The following IGSF5 variants were observed in gnomAD, a reference collection of about 807,000 sequenced individuals.
The protein encoded by IGSF5 is immunoglobulin superfamily member 5, also known as immunoglobulin superfamily 5 like.
IGSF5 carries 41 observed loss-of-function variants against 39.4 expected under a neutral mutation model. That is an observed-to-expected ratio of 1.04 (90% CI 0.81 to 1.35). IGSF5 has a LOEUF of 1.35. IGSF5 is among the 40% of genes most tolerant of loss of function. The pLI is 0.00. For missense variants in IGSF5, 487 were observed against 494.6 expected (o/e 0.98, Z 0.15); for synonymous variants, 183 against 175.3 (o/e 1.04, Z -0.34).
the IGSF5 span, among the ~76,000 whole-genome samples, chr21:39,712,661 G>T: frequency 0.3 from 45,312 of 151,956 alleles, 7,598 homozygotes; most frequent in Middle Eastern, 0.49. Context: ...TCGTTCATGG[G>T]TTCATTGGGC....
intron 2 of IGSF5, among the ~76,000 whole-genome samples, chr21:39,752,719 T>C (rs1313961032): frequency 1.3e-5 from 2 of 152,248 alleles, no homozygotes; most frequent in South Asian, 2.1e-4. Context: ...CAGCATCTCA[T>C]TGTGGTTTTA....
rs146593026 is a variant in IGSF5 at position 39,755,315 on chromosome 21, G to A, written c.100+9017G>A. Among the ~76,000 whole-genome samples the A allele has an allele frequency of 8.8e-4, 134 of 152,254 alleles. 1 individual carries two copies. In the East Asian group the frequency reaches 0.021, roughly 24 times the overall value. On this transcript the variant is annotated intron_variant, in intron 2 of 8. Coordinates refer to ENST00000380588, the MANE Select transcript of IGSF5 (RefSeq NM_001080444.2). ...AAATTATTAAATGATGACCTGGTGC[G>A]GTGGCTCATGCCTGTAATCCCAGCA...
intron 6 of IGSF5, among the ~76,000 whole-genome samples, chr21:39,790,315 T>G (rs1432925102): frequency 6.6e-6 from 1 of 152,186 alleles, no homozygotes; most frequent in Non-Finnish European, 1.5e-5. Flanking sequence ...TATTTTTACC[T>G]TTTGCTTTAA....
In IGSF5 at chr21:39,745,379, C is replaced by T; in HGVS notation, c.-131C>T. 1.6e-6 allele frequency: 1 copy of T among 617,740 alleles called. No homozygotes were observed. The highest frequency in any genetic ancestry group is 1.8e-5 in the South Asian group (1 of 55,630). The allele number at this position is 617,740 out of a possible 1,614,324, so 38.3% of individuals were successfully genotyped here. A position where few individuals can be genotyped will look rare whatever the true frequency, so the allele number is the denominator to read the frequency against. On this transcript the variant is annotated 5_prime_UTR_variant, in exon 1 of 9. Transcript: ENST00000380588. ...GCTTCCTTAGATCCCTTTGGAGATA[C>T]AACCTGCTAGAGGAAATGAAAGTCT...
At position 39,759,602 on chromosome 21, in the gene IGSF5, C is replaced by T. The variant is rs150725672; in HGVS notation, c.101-5933C>T. Among the ~76,000 whole-genome samples the T allele has an allele frequency of 1.1e-4, 16 of 152,188 alleles. No homozygotes were observed. In the East Asian group the frequency reaches 3.1e-3, roughly 29 times the overall value. On this transcript the variant is annotated intron_variant, in intron 2 of 8. Transcript: ENST00000380588. ...CTGAGGCAGGCTGGGTGTGGTGGCT[C>T]ACGCCTGTAATCCCAGCACTATGGG...
upstream of IGSF5, among the ~76,000 whole-genome samples, chr21:39,743,841 T>TCCCCTCAG (rs1270924020): frequency 6.6e-6 from 1 of 152,166 alleles, no homozygotes; most frequent in Non-Finnish European, 1.5e-5. Context: ...TTCTTCCCCT[T>TCCCCTCAG]GAAGAGAATA....
At chr21:39,791,979 A>C in intron 6 of IGSF5, 29 bp from the exon 7 acceptor site, 1 of 1,481,264 alleles carries the variant, frequency 6.8e-7, no homozygotes, top group East Asian at 2.3e-5. Context: ...GCCAACAATT[A>C]ACATGAACAT....
At chr21:39,721,100 C>G in the IGSF5 span, among the ~76,000 whole-genome samples, 2 of 152,068 alleles carry the variant, frequency 1.3e-5, no homozygotes, top group Non-Finnish European at 2.9e-5. Context: ...AGTGAAGCAT[C>G]TTATAAACTT....
At chr21:39,754,475 C>T (rs1036076776) in intron 2 of IGSF5, among the ~76,000 whole-genome samples, 5 of 151,998 alleles carry the variant, frequency 3.3e-5, no homozygotes, top group African/African-American at 7.3e-5. Flanking sequence ...ATTATCAAGC[C>T]ATTTCCAATA....
chr21:39,752,577 A>T (rs1237693427), intron 2 of IGSF5, among the ~76,000 whole-genome samples: 4 of 152,174 alleles, frequency 2.6e-5, no homozygotes, highest in African/African-American at 9.7e-5. Flanking sequence ...TTAGTTCTTT[A>T]AGGAACCTCC....
chr21:39,771,039 T>C lies in IGSF5; in HGVS notation c.542T>C (p.Leu181Pro), dbSNP rs749725304. ...GATATTTCCTGGGAGCTCGGTCTCCTGGTCAGCCATTCAAGCTATTATTTT... is the reference window on the plus strand; with the variant it reads ...GATATTTCCTGGGAGCTCGGTCTCCCGGTCAGCCATTCAAGCTATTATTTT... ...LPDISWELGL[L>P]VSHSSYYFVP... The change falls in exon 4 of 9, where the codon CTG becomes CCG. Residue 181 changes from leucine (L) to proline (P), a missense_variant. Transcript: ENST00000380588. 1 of 1,613,746 alleles carries C rather than the reference T, an allele frequency of 6.2e-7. No individual in the cohort carries two copies. The highest frequency in any genetic ancestry group is 8.5e-7 in the Non-Finnish European group (1 of 1,179,848).
chr21:39,790,214 G>A (rs1310313317), intron 6 of IGSF5, among the ~76,000 whole-genome samples: 2 of 152,178 alleles, frequency 1.3e-5, no homozygotes, highest in Admixed American at 6.5e-5. Flanking sequence ...GCCTTCTTGA[G>A]CCTCTCACTG....
chr21:39,775,867 TG>T, intron 4 of IGSF5, among the ~76,000 whole-genome samples: 2 of 152,280 alleles, frequency 1.3e-5, no homozygotes, highest in Admixed American at 1.3e-4. Flanking sequence ...ATGTCATACC[TG>T]GGCCATATTT....
chr21:39,800,339 C>T (rs75020557), intron 8 of IGSF5, among the ~76,000 whole-genome samples: 3,525 of 152,180 alleles, frequency 0.023, 143 homozygotes, highest in African/African-American at 0.08. Flanking sequence ...TCAAGCCTTC[C>T]CCACAAATCA....
At chr21:39,730,615 C>A in the IGSF5 span, 1 of 152,118 alleles carries the variant, frequency 6.6e-6, no homozygotes, top group South Asian at 2.1e-4. Flanking sequence ...TTGCATAGCA[C>A]GAATTGCCAA....
chr21:39,786,700 A>G (rs965040366), intron 5 of IGSF5, among the ~76,000 whole-genome samples: 2 of 152,196 alleles, frequency 1.3e-5, no homozygotes, highest in Non-Finnish European at 2.9e-5. Context: ...AAAGACTTGG[A>G]ACCAACCCAC....
In IGSF5 at chr21:39,771,123, G is replaced by C. The variant is rs751254536; in HGVS notation, c.626G>C (p.Ser209Thr). ...AGCATCCTGGCTCTGACCCCACAGA[G>C]CAATGGGACTTTGACTTGCGTGGCT... The part of the protein sequence containing the change: ...AVSILALTPQ[S>T]NGTLTCVATW... Residue 209 changes from serine (S) to threonine (T), a missense_variant, in exon 4 of 9, where the codon AGC (serine) becomes ACC (threonine). Physicochemically the swap from Ser to Thr is moderately conservative, Grantham distance 58 (BLOSUM62 1). Transcript: ENST00000380588. 6.2e-7 allele frequency: 1 copy of C among 1,612,308 alleles called. No homozygotes were observed. The highest frequency in any genetic ancestry group is 1.1e-5 in the South Asian group (1 of 90,474).
chr21:39,769,340 G>A (rs1399459257), intron 3 of IGSF5, among the ~76,000 whole-genome samples: 1 of 152,090 alleles, frequency 6.6e-6, no homozygotes, highest in Non-Finnish European at 1.5e-5. Context: ...GGTGGCTTAT[G>A]CCTGTAATCC....
intron 2 of IGSF5, among the ~76,000 whole-genome samples, chr21:39,764,352 A>T (rs2080075518): frequency 6.6e-6 from 1 of 151,924 alleles, no homozygotes; most frequent in African/African-American, 2.4e-5. Flanking sequence ...CTGCCTTGCC[A>T]TTTTTTTAGA....
Sources: gnomAD v4.1 joint callset for allele counts (sites outside exome capture counted in the v4.1 genomes callset) on GRCh38, gnomAD v4.1.1 for gene constraint, MANE v1.5 for transcripts, NCBI Gene and HGNC (gene_info 2026-07-23, HGNC 2026-07-21) for gene names.